The following FAM81A variants were observed in gnomAD, a reference collection of about 807,000 sequenced individuals.
The protein encoded by FAM81A is protein FAM81A.
FAM81A carries 19 observed loss-of-function variants against 46.7 expected under a neutral mutation model. That is an observed-to-expected ratio of 0.41 (90% CI 0.28 to 0.60). The LOEUF is 0.60. Among genes scored for constraint, FAM81A ranks in the 20% least tolerant of loss-of-function variants. The pLI is 0.34. For synonymous variants in FAM81A, 183 were observed against 152.9 expected (o/e 1.20, Z -1.45); for missense variants, 377 against 453.5 (o/e 0.83, Z 1.53).
intron 6 of FAM81A, among the ~76,000 whole-genome samples, chr15:59,513,941 C>G (rs1257081416): frequency 2.0e-5 from 3 of 152,106 alleles, no homozygotes; most frequent in African/African-American, 4.8e-5. Flanking sequence ...ATGGATGGAT[C>G]TGGAAGCCAT....
chr15:59,433,317 A>G (rs1260342106), upstream of FAM81A, among the ~76,000 whole-genome samples: 1 of 149,962 alleles, frequency 6.7e-6, no homozygotes, highest in Non-Finnish European at 1.5e-5. Context: ...CACTCTTGAA[A>G]GTGTTATGTT....
At chr15:59,407,063 G>T in intron 2 of FAM81A, 1 of 162,648 alleles carries the variant, frequency 6.1e-6, no homozygotes, top group Admixed American at 6.2e-5. Flanking sequence ...AGTGATGATG[G>T]ATCTCATCGT....
intron 8 of FAM81A, among the ~76,000 whole-genome samples, chr15:59,520,028 C>G (rs2082311323): frequency 6.6e-6 from 1 of 152,116 alleles, no homozygotes; most frequent in Non-Finnish European, 1.5e-5. Context: ...CACATGCGAC[C>G]CAGGATGGCT....
chr15:59,497,573 T>A (rs1198645152), intron 4 of FAM81A, among the ~76,000 whole-genome samples: 3 of 152,078 alleles, frequency 2.0e-5, no homozygotes, highest in African/African-American at 7.2e-5. Flanking sequence ...ATTAAGTCTT[T>A]CAGTGGGTTC....
chr15:59,460,435 A>G lies in FAM81A; in HGVS notation c.294+229A>G, dbSNP rs2081538264. On this transcript the variant is annotated intron_variant, in intron 3 of 8. Coordinates refer to ENST00000288228, the MANE Select transcript of FAM81A (RefSeq NM_152450.3). The surrounding 1 kb of genome is among the most constrained non-coding windows in gnomAD (Gnocchi z 4.4). Reference sequence around the variant, plus strand: ...ACTGTTAGTGTTATGTTTAATCTAAATTTACCTTGCTGATTATTAAATGAT... The same window carrying G: ...ACTGTTAGTGTTATGTTTAATCTAAGTTTACCTTGCTGATTATTAAATGAT... 1 of 634,212 alleles carries G rather than the reference A, an allele frequency of 1.6e-6. No individual in the cohort carries two copies. Among genetic ancestry groups the G allele is most frequent in the Non-Finnish European group, 2.8e-6 (1 of 357,400 alleles). 39.3% of individuals were successfully genotyped at this position (634,212 alleles called of 1,614,324 possible).
chr15:59,450,517 C>T (rs1252541259), intron 1 of FAM81A, among the ~76,000 whole-genome samples: 1 of 152,118 alleles, frequency 6.6e-6, no homozygotes, highest in Admixed American at 6.5e-5. Flanking sequence ...TTCACACTCC[C>T]ATCTTGTGCT....
intron 2 of FAM81A, among the ~76,000 whole-genome samples, chr15:59,421,847 G>C (rs559746001): frequency 1.3e-5 from 2 of 148,906 alleles, no homozygotes; most frequent in African/African-American, 5.0e-5. Flanking sequence ...GTTATCCTTG[G>C]GGACAGATTA....
At chr15:59,446,044 A>G (rs555749285) in intron 1 of FAM81A, among the ~76,000 whole-genome samples, 7 of 152,204 alleles carry the variant, frequency 4.6e-5, no homozygotes, top group Non-Finnish European at 1.5e-5. Context: ...CAACTCAACA[A>G]TGAAAACAGT....
intron 1 of FAM81A, among the ~76,000 whole-genome samples, chr15:59,442,452 T>TA (rs1432455436): frequency 1.3e-5 from 2 of 151,210 alleles, no homozygotes; most frequent in African/African-American, 2.4e-5. Flanking sequence ...CCATCTCTAC[T>TA]AAAAAAATAC....
At position 59,415,351 on chromosome 15, in the gene FAM81A, C is replaced by T. The variant is rs117473264; in HGVS notation, c.-78+12993C>T. ...GCCAAGCTGGTCTTGAACTCCTGAC[C>T]TCGTGATCCTCTTGTCTTGACCTCC... On this transcript the variant is annotated intron_variant, in intron 2 of 4. Coordinates refer to the FAM81A transcript ENST00000558348. 7.7e-3 allele frequency among the ~76,000 whole-genome samples: 1,166 copies of T among 152,242 alleles called. 11 individuals carry two copies. The highest frequency in any genetic ancestry group is 0.012 in the Non-Finnish European group (821 of 68,002).
chr15:59,474,726 T>C (rs1398066224), intron 3 of FAM81A, among the ~76,000 whole-genome samples: 2 of 152,170 alleles, frequency 1.3e-5, no homozygotes, highest in African/African-American at 2.4e-5. Flanking sequence ...TAGAAGAGAC[T>C]ATGAGGTTAT....
intron 2 of FAM81A, among the ~76,000 whole-genome samples, chr15:59,425,880 C>T (rs749701095): frequency 6.6e-6 from 1 of 152,180 alleles, no homozygotes; most frequent in Non-Finnish European, 1.5e-5. Flanking sequence ...CTGTCTTGGC[C>T]TCCTATTGGG....
chr15:59,508,507 A>G (rs1006728878), intron 5 of FAM81A, among the ~76,000 whole-genome samples: 2 of 151,946 alleles, frequency 1.3e-5, no homozygotes, highest in South Asian at 2.1e-4. Context: ...TAAAAATTCT[A>G]TTTTCTATGA....
At chr15:59,500,817 A>G (rs1455182787) in intron 4 of FAM81A, among the ~76,000 whole-genome samples, 1 of 151,600 alleles carries the variant, frequency 6.6e-6, no homozygotes, top group Non-Finnish European at 1.5e-5. Flanking sequence ...TTGTTCCAGT[A>G]TTTCCATTAG....
At chr15:59,456,989 G>T (rs1369928229) in intron 1 of FAM81A, among the ~76,000 whole-genome samples, 1 of 152,172 alleles carries the variant, frequency 6.6e-6, no homozygotes. Context: ...TGTTTCTTAA[G>T]TTAGGCTATT....
intron 3 of FAM81A, 37 bp from the exon 4 acceptor site, chr15:59,492,234 C>G (rs768578834): frequency 1.0e-5 from 15 of 1,494,746 alleles, no homozygotes; most frequent in Middle Eastern, 1.7e-4. Flanking sequence ...CACGTGAATT[C>G]TTAGATGACT....
intron 3 of FAM81A, among the ~76,000 whole-genome samples, chr15:59,473,214 A>C (rs1183704833): frequency 2.0e-5 from 3 of 152,236 alleles, no homozygotes; most frequent in Non-Finnish European, 4.4e-5. Flanking sequence ...ATCTGTGGCC[A>C]ACCATGATCT....
chr15:59,444,249 T>A (rs1441960614), intron 1 of FAM81A: 2 of 152,236 alleles, frequency 1.3e-5, no homozygotes, highest in Non-Finnish European at 2.9e-5. Flanking sequence ...ACCGTGGAGC[T>A]GTCTGCTAGC....
At chr15:59,400,115 G>C (rs368209364) in intron 1 of FAM81A, among the ~76,000 whole-genome samples, 8 of 152,094 alleles carry the variant, frequency 5.3e-5, no homozygotes, top group Non-Finnish European at 1.0e-4. Context: ...ACAGGCCAGA[G>C]GTTCACTCAG....
Sources: allele counts gnomAD v4.1 joint callset (sites outside exome capture counted in the v4.1 genomes callset), GRCh38; gene constraint gnomAD v4.1.1; non-coding constraint Gnocchi (gnomAD v3.1); transcripts MANE v1.5; gene names NCBI Gene and HGNC (gene_info 2026-07-23, HGNC 2026-07-21).